Variants in SLC43A3 observed in about 807,000 individuals in gnomAD.
SLC43A3 encodes equilibrative nucleobase transporter 1.
SLC43A3 carries 33 observed loss-of-function variants against 53.3 expected under a neutral mutation model. The observed-to-expected ratio is 0.62, with a 90% CI of 0.47 to 0.83. The LOEUF (loss-of-function observed/expected upper bound fraction) is 0.83. SLC43A3 is among the 40% of genes least tolerant of loss of function. The pLI is 0.00. For missense variants in SLC43A3, 530 were observed against 610.0 expected (o/e 0.87, Z 1.38); for synonymous variants, 236 against 246.2 (o/e 0.96, Z 0.39).
At chr11:57,423,499 G>A (rs1943076846) in intron 5 of SLC43A3, among the ~76,000 whole-genome samples, 1 of 152,068 alleles carries the variant, frequency 6.6e-6, no homozygotes, top group South Asian at 2.1e-4. Context: ...TGTGATCTTG[G>A]CTCACTGCAA....
At chr11:57,412,007 T>C (rs1242311000) in intron 11 of SLC43A3, among the ~76,000 whole-genome samples, 1 of 152,058 alleles carries the variant, frequency 6.6e-6, no homozygotes, top group African/African-American at 2.4e-5. Context: ...ATTATATATA[T>C]GTTAACTCTA....
intron 7 of SLC43A3, among the ~76,000 whole-genome samples, chr11:57,418,100 G>A (rs532239305): frequency 3.3e-5 from 5 of 152,168 alleles, no homozygotes; most frequent in East Asian, 1.9e-4. Flanking sequence ...ACTTTGGGAC[G>A]CACGAGGATC....
At chr11:57,420,673 G>A (rs1260413144) in intron 7 of SLC43A3, among the ~76,000 whole-genome samples, 3 of 152,102 alleles carry the variant, frequency 2.0e-5, no homozygotes, top group Non-Finnish European at 4.4e-5. Context: ...CCCAACACTG[G>A]CCCAAGCACA....
At chr11:57,408,316 T>C (rs113649214) in intron 13 of SLC43A3, 4,866 of 161,754 alleles carry the variant, frequency 0.03, 270 homozygotes, top group African/African-American at 0.11. Flanking sequence ...AATCACAGCA[T>C]TTTGGAAGGC....
At chr11:57,410,510 A>G (rs574138914) in intron 11 of SLC43A3, among the ~76,000 whole-genome samples, 2 of 152,284 alleles carry the variant, frequency 1.3e-5, no homozygotes, top group African/African-American at 4.8e-5. Flanking sequence ...GAAACAATCC[A>G]AATAGTCATC....
chr11:57,407,923 A>C, intron 13 of SLC43A3, 27 bp from the exon 14 acceptor site: 2 of 1,476,520 alleles, frequency 1.4e-6, no homozygotes, highest in South Asian at 2.3e-5. Flanking sequence ...AGTGAGGTGA[A>C]ATCCAGGAAT....
In SLC43A3 at chr11:57,414,968, A is replaced by T; in HGVS notation, c.908T>A (p.Leu303Ter). Residue 303 changes from leucine to a stop codon, truncating the protein, a stop_gained, in exon 10 of 14, where the codon TTG becomes TAG. Coordinates refer to ENST00000395124, the MANE Select transcript of SLC43A3 (RefSeq NM_199329.3). LOFTEE classifies it high-confidence loss of function. Reference sequence around the variant, plus strand: ...GTCCCCACCGGCCATGTTGGTCAGCAAGGAGTTGAGAGTGCCAATGAAGAG... The same window carrying T: ...GTCCCCACCGGCCATGTTGGTCAGCTAGGAGTTGAGAGTGCCAATGAAGAG... ...HYLFIGTLNS[L>*]LTNMAGGDMA... The T allele has an allele frequency of 6.2e-7, 1 of 1,613,770 alleles. No homozygotes were observed. Among genetic ancestry groups the T allele is most frequent in the Non-Finnish European group, 8.5e-7 (1 of 1,180,028 alleles).
rs1942789987 is a variant in SLC43A3, at chr11:57,417,795, C to T, written c.624G>A (p.Met208Ile). Reference sequence around the variant, plus strand: ...GTGGGTATGGGATGTGCCCCCGGGGCATCAGGAGGAAAGTGCGTGCTACAT... The same window carrying T: ...GTGGGTATGGGATGTGCCCCCGGGGTATCAGGAGGAAAGTGCGTGCTACAT... ...TWHVARTFLL[M>I]PRGHIPYPLP... The change falls in exon 8 of 14, where the codon ATG becomes ATA. Residue 208 changes from methionine to isoleucine, a missense_variant. Transcript: ENST00000395124. 1 of 1,614,154 alleles carries T rather than the reference C, an allele frequency of 6.2e-7. No homozygotes were observed. The highest frequency in any genetic ancestry group is 8.5e-7 in the Non-Finnish European group (1 of 1,180,028).
intron 6 of SLC43A3, 46 bp downstream of exon 6, chr11:57,421,251 C>T (rs1251580882): frequency 3.9e-6 from 6 of 1,536,960 alleles, no homozygotes; most frequent in Non-Finnish European, 4.5e-6. Context: ...TTCCCTCCAC[C>T]TTCCCGCCAC....
rs1943190210 is a variant in SLC43A3 at position 57,426,075 on chromosome 11, A to G, written c.98T>C (p.Leu33Pro). The change falls in exon 3 of 14, where the codon CTA becomes CCA. Residue 33 changes from leucine to proline, a missense_variant. Physicochemically the swap from Leu to Pro is moderately conservative, Grantham distance 98. Coordinates refer to ENST00000395124, the MANE Select transcript of SLC43A3 (RefSeq NM_199329.3). ...FAGVLFGWPSLVFVFKNEDYF... is the reference protein window; with the variant it reads ...FAGVLFGWPSPVFVFKNEDYF... ...ATCTTCATTCTTGAAGACAAACACT[A>G]GTGAAGGCCAGCCAAAGAGGACGCC... 6.2e-7 allele frequency: 1 copy of G among 1,614,262 alleles called. No homozygotes were observed. The highest frequency in any genetic ancestry group is 8.5e-7 in the Non-Finnish European group (1 of 1,180,040).
At chr11:57,413,167 C>G (rs982121296) in intron 11 of SLC43A3, among the ~76,000 whole-genome samples, 11 of 151,206 alleles carry the variant, frequency 7.3e-5, no homozygotes, top group African/African-American at 2.7e-4. Flanking sequence ...CACATTAAAA[C>G]AACGCCAAAT....
chr11:57,426,305 G>T lies in SLC43A3; in HGVS notation c.-133C>A. The T allele has an allele frequency of 1.3e-6, 1 of 794,478 alleles. No homozygotes were observed. Among genetic ancestry groups the T allele is most frequent in the Non-Finnish European group, 2.0e-6 (1 of 507,232 alleles). The allele number at this position is 794,478 out of a possible 1,614,324, so 49.2% of individuals were successfully genotyped here. On this transcript the variant is annotated 5_prime_UTR_variant, in exon 3 of 14. Coordinates refer to ENST00000395124, the MANE Select transcript of SLC43A3 (RefSeq NM_199329.3). ...GCCCTTCCTTTCCCGTAGCTCTCTG[G>T]TTGTTTCAGGCCTGGGCAAAAACCA...
At chr11:57,413,072 A>AAG (rs1264823982) in intron 11 of SLC43A3, among the ~76,000 whole-genome samples, 2 of 152,102 alleles carry the variant, frequency 1.3e-5, no homozygotes, top group African/African-American at 4.8e-5. Context: ...AAAAAAAAAA[A>AAG]AAAAAAAATT....
Position 57,409,952 on chromosome 11 carries a change from C to T in SLC43A3, c.1230G>A (p.Ala410=), listed in dbSNP as rs200281233. 2.9e-5 allele frequency: 47 copies of T among 1,611,850 alleles called. No homozygotes were observed. Among genetic ancestry groups the T allele is most frequent in the Non-Finnish European group, 3.6e-5 (42 of 1,179,120 alleles). ...CCACTTACGCAAGGGTGAGGAAGGC[C>T]GCGTTGCTCCCATAGAGGAAGGAGC... ...ISRSFLYGSN[A]AFLTLAFPSE... is the part of the protein sequence containing the mutation. The change falls in exon 12 of 14, where the codon GCG becomes GCA. Residue 410 remains alanine (A), a synonymous_variant. Transcript: ENST00000395124.
chr11:57,410,091 G>C lies in SLC43A3; in HGVS notation c.1091C>G (p.Ser364Trp), dbSNP rs1376760859. 6.2e-7 allele frequency: 1 copy of C among 1,608,304 alleles called. No homozygotes were observed. The change falls in exon 12 of 14, where the codon TCG (serine) becomes TGG (tryptophan). Residue 364 changes from serine (S) to tryptophan (W), a missense_variant. Transcript: ENST00000395124. ...TGTCAGGGCCAGCGAAGGCACCGTC[G>C]AGCAGAGGGCCACCGCCAAAGTGGA... ...GSSTLAVALC[S>W]TVPSLALTSL...
chr11:57,414,879 C>G (rs1185263566), intron 10 of SLC43A3, 54 bp downstream of exon 10: 3 of 1,598,428 alleles, frequency 1.9e-6, no homozygotes, highest in African/African-American at 2.7e-5. Flanking sequence ...CTGGGAGGCT[C>G]TGTGTTCCCA....
At position 57,407,858 on chromosome 11, in the gene SLC43A3, G is replaced by A; in HGVS notation, c.1410C>T (p.Phe470=). The change falls in exon 14 of 14, where the codon TTC becomes TTT. Residue 470 remains phenylalanine, a synonymous_variant. Transcript: ENST00000395124. ...CCCGATATACCAGAAAGGGGTGGAA[G>A]AATGTCAGAAGAATGGCAAGCATGA... ...VMFMLAILLT[F]FHPFLVYREC... 1 of 1,613,772 alleles carries A rather than the reference G, an allele frequency of 6.2e-7. No individual in the cohort carries two copies. The highest frequency in any genetic ancestry group is 8.5e-7 in the Non-Finnish European group (1 of 1,179,652).
chr11:57,417,072 A>G (rs1455846858), intron 8 of SLC43A3, among the ~76,000 whole-genome samples: 3 of 152,272 alleles, frequency 2.0e-5, no homozygotes, highest in Non-Finnish European at 4.4e-5. Flanking sequence ...GGATGAAATC[A>G]GAGAGCACAT....
Position 57,415,029 on chromosome 11 carries a change from G to A in SLC43A3, c.847C>T (p.Leu283=), listed in dbSNP as rs1942652627. The change falls in exon 10 of 14, where the codon CTG becomes TTG. Residue 283 remains leucine, a synonymous_variant. Transcript: ENST00000395124. ...YAFSRRFAWH[L]VWLSVIQLWH... The stretch of plus-strand genomic sequence containing the variant: ...AACTGTATCACAGACAGCCACACCA[G>A]GTGCCAGGCAAAGCGCCGAGAGAAA... 4 of 1,614,100 alleles carry A rather than the reference G, an allele frequency of 2.5e-6. No individual in the cohort carries two copies. Among genetic ancestry groups the A allele is most frequent in the South Asian group, 1.1e-5 (1 of 91,088 alleles).
Sources: gnomAD v4.1 joint callset for allele counts (sites outside exome capture counted in the v4.1 genomes callset) on GRCh38, gnomAD v4.1.1 for gene constraint, MANE v1.5 for transcripts, NCBI Gene and HGNC (gene_info 2026-07-23, HGNC 2026-07-21) for gene names.